The following GLIS3 variants were observed in gnomAD, a reference collection of about 807,000 sequenced individuals.
The protein encoded by GLIS3 is GLIS family zinc finger 3.
GLIS3 carries 53 observed loss-of-function variants against 78.6 expected under a neutral mutation model. That is an observed-to-expected ratio of 0.67 (90% CI 0.54 to 0.85). GLIS3 has a LOEUF of 0.85. Ranked by LOEUF, GLIS3 falls within the 40% of genes least tolerant of loss-of-function variation. GLIS3 has a pLI of 0.00. For synonymous variants in GLIS3, 684 were observed against 509.9 expected, an observed-to-expected ratio of 1.34 and a Z score of -4.60; for missense variants, 1,703 against 1,231.1, an observed-to-expected ratio of 1.38 and a Z score of -5.74.
chr9:4,174,747 C>G (rs924108706), intron 2 of GLIS3, among the ~76,000 whole-genome samples: 3 of 152,120 alleles, frequency 2.0e-5, no homozygotes, highest in Non-Finnish European at 4.4e-5. Flanking sequence ...AGATGTGTGC[C>G]AATCTCATAT....
rs77115178 is a variant in GLIS3 at position 4,006,195 on chromosome 9, T to G, written c.1711-69006A>C. On this transcript the variant is annotated intron_variant, in intron 4 of 10. Transcript: ENST00000381971. ...ATCTCTAATGTTAGGCCCTTTGCTG[T>G]AAACTCTCTTTTTCACGCTCCTTGC... Among the ~76,000 whole-genome samples the G allele has an allele frequency of 3.0e-3, 451 of 151,200 alleles. 14 individuals are homozygous for G. The East Asian group carries it at 0.075, about 25-fold the overall frequency.
chr9:4,056,615 A>C (rs984833248), intron 4 of GLIS3, among the ~76,000 whole-genome samples: 1 of 152,214 alleles, frequency 6.6e-6, no homozygotes, highest in African/African-American at 2.4e-5. Flanking sequence ...AAAGGGAAGA[A>C]AACAGAGATG....
At chr9:4,232,141 G>T (rs1414147545) in intron 2 of GLIS3, among the ~76,000 whole-genome samples, 1 of 152,118 alleles carries the variant, frequency 6.6e-6, no homozygotes, top group East Asian at 1.9e-4. Flanking sequence ...ACTTTGGGAG[G>T]CTGAAGTGGG....
At chr9:3,887,235 T>C (rs1822140878) in intron 7 of GLIS3, among the ~76,000 whole-genome samples, 1 of 152,138 alleles carries the variant, frequency 6.6e-6, no homozygotes, top group Non-Finnish European at 1.5e-5. Flanking sequence ...CAGACTAAAA[T>C]GACACCACCC....
intron 2 of GLIS3, among the ~76,000 whole-genome samples, chr9:4,188,517 A>C (rs889264178): frequency 4.0e-5 from 6 of 150,856 alleles, no homozygotes; most frequent in South Asian, 4.3e-4. Flanking sequence ...TCATAAAATG[A>C]GTCAGGGAGG....
chr9:3,855,946 G>C, intron 9 of GLIS3, 63 bp downstream of exon 9: 1 of 1,547,860 alleles, frequency 6.5e-7, no homozygotes, highest in Non-Finnish European at 8.9e-7. Flanking sequence ...AGGTAACTAA[G>C]ATGAAAAGCA....
intron 4 of GLIS3, among the ~76,000 whole-genome samples, chr9:3,997,133 A>C (rs746291626): frequency 1.3e-5 from 2 of 152,158 alleles, no homozygotes; most frequent in African/African-American, 4.8e-5. Context: ...AGATCACCTG[A>C]GGTTGGAGTT....
rs193165973 is a variant in GLIS3, at chr9:4,036,014, C to T, written c.1710+81754G>A. 4.6e-5 allele frequency: 7 copies of T among 152,342 alleles called. No homozygotes were observed. The East Asian group carries it at 5.8e-4, about 13-fold the overall frequency. 9.4% of individuals were successfully genotyped at this position (152,342 alleles called of 1,614,324 possible). A position where few individuals can be genotyped will look rare whatever the true frequency, so the allele number is the denominator to read the frequency against. Reference sequence around the variant, plus strand: ...TATACCAGATGACTTGGCCTTGAGCCGCCTGGAGTTTACTCTGTAGGTTTC... The same window carrying T: ...TATACCAGATGACTTGGCCTTGAGCTGCCTGGAGTTTACTCTGTAGGTTTC... On this transcript the variant is annotated intron_variant, in intron 4 of 10. Coordinates refer to ENST00000381971, the MANE Select transcript of GLIS3 (RefSeq NM_001042413.2).
chr9:4,271,965 G>C (rs1826553638), intron 2 of GLIS3, among the ~76,000 whole-genome samples: 1 of 152,052 alleles, frequency 6.6e-6, no homozygotes, highest in Non-Finnish European at 1.5e-5. Flanking sequence ...TAATAATGCA[G>C]GGGATCCATA....
At chr9:3,866,787 G>A (rs1820618109) in intron 8 of GLIS3, among the ~76,000 whole-genome samples, 1 of 152,234 alleles carries the variant, frequency 6.6e-6, no homozygotes, top group African/African-American at 2.4e-5. Flanking sequence ...GTATTAACCA[G>A]GGAGAGGTGT....
intron 1 of GLIS3, among the ~76,000 whole-genome samples, chr9:4,293,677 G>C (rs577127453): frequency 2.6e-5 from 4 of 152,188 alleles, no homozygotes. Context: ...TATTCAGCAG[G>C]CCTACAAAAG....
chr9:4,281,082 C>T (rs576986897), intron 2 of GLIS3, among the ~76,000 whole-genome samples: 132 of 152,088 alleles, frequency 8.7e-4, no homozygotes, highest in African/African-American at 3.0e-3. Flanking sequence ...GCTTATTAGT[C>T]GTTTGAAAAA....
Position 3,987,784 on chromosome 9 carries a change from A to AAAAAC in GLIS3, c.1711-50600_1711-50596dup, listed in dbSNP as rs1554665964. On this transcript the variant is annotated intron_variant, in intron 4 of 10. Coordinates refer to ENST00000381971, the MANE Select transcript of GLIS3 (RefSeq NM_001042413.2). ...GGCAAAAAAAAAAAAAAAAAAAAAA[A>AAAAAC]AAAACAAAACACAAACATAAACCTA... Among the ~76,000 whole-genome samples the AAAAAC allele has an allele frequency of 1.9e-4, 13 of 69,552 alleles. 1 individual carries two copies. The highest frequency in any genetic ancestry group is 3.0e-4 in the African/African-American group (6 of 19,680). The allele number at this position is 69,552 out of a possible 152,430, so 45.6% of individuals were successfully genotyped here. A position where few individuals can be genotyped will look rare whatever the true frequency, so the allele number is the denominator to read the frequency against.
intron 2 of GLIS3, among the ~76,000 whole-genome samples, chr9:4,179,825 G>A (rs527370760): frequency 1.3e-5 from 2 of 151,866 alleles, no homozygotes; most frequent in South Asian, 2.1e-4. Flanking sequence ...CAGGAGAATC[G>A]CTGGAACCCG....
At chr9:3,925,473 G>C (rs111413617) in intron 6 of GLIS3, among the ~76,000 whole-genome samples, 1 of 152,170 alleles carries the variant, frequency 6.6e-6, no homozygotes, top group African/African-American at 2.4e-5. Context: ...GCCAGAGCTG[G>C]TGTCTGTGTG....
chr9:4,460,552 T>TCCCCCCCCCCCCCCCCCCCC, the GLIS3 span, among the ~76,000 whole-genome samples: 1 of 145,510 alleles, frequency 6.9e-6, no homozygotes, highest in East Asian at 2.0e-4. Context: ...AAAACACAAT[T>TCCCCCCCCCCCCCCCCCCCC]CCCCCCACCA....
chr9:4,459,790 C>A, the GLIS3 span, among the ~76,000 whole-genome samples: 1 of 151,918 alleles, frequency 6.6e-6, no homozygotes, highest in Non-Finnish European at 1.5e-5. Context: ...GACTGGGCAA[C>A]AGAGCAAGAC....
At chr9:3,880,361 A>T (rs1004270858) in intron 7 of GLIS3, among the ~76,000 whole-genome samples, 2 of 152,206 alleles carry the variant, frequency 1.3e-5, no homozygotes, top group Non-Finnish European at 2.9e-5. Flanking sequence ...AGATCAGCTA[A>T]TTGGTACGAT....
At chr9:4,123,503 A>C (rs1224154960) in intron 3 of GLIS3, among the ~76,000 whole-genome samples, 1 of 152,196 alleles carries the variant, frequency 6.6e-6, no homozygotes, top group African/African-American at 2.4e-5. Flanking sequence ...AAAGAATGGG[A>C]AACAACTAAG....
Sources: allele counts gnomAD v4.1 joint callset (sites outside exome capture counted in the v4.1 genomes callset), GRCh38; gene constraint gnomAD v4.1.1; transcripts MANE v1.5; gene names NCBI Gene and HGNC (gene_info 2026-07-23, HGNC 2026-07-21).